KCNIP4: variants seen among roughly 807,000 people sequenced by gnomAD.
The protein encoded by KCNIP4 is potassium voltage-gated channel interacting protein 4, also known as Kv channel-interacting protein 4.
KCNIP4 carries 12 observed loss-of-function variants against 34.0 expected under a neutral mutation model. That is an observed-to-expected ratio of 0.35 (90% CI 0.23 to 0.57). The LOEUF is 0.57. KCNIP4 is among the 20% of genes least tolerant of loss of function. The pLI, the probability that KCNIP4 is intolerant of heterozygous loss-of-function variation, is 0.83. For missense variants in KCNIP4, 238 were observed against 311.7 expected, an observed-to-expected ratio of 0.76 and a Z score of 1.78; for synonymous variants, 124 against 102.2, an observed-to-expected ratio of 1.21 and a Z score of -1.29.
At chr4:21,366,851 A>T (rs73802589) in intron 1 of KCNIP4, among the ~76,000 whole-genome samples, 2,255 of 152,204 alleles carry the variant, frequency 0.015, 53 homozygotes, top group African/African-American at 0.052. Flanking sequence ...TATGTCAATT[A>T]TGCACTAAAA....
intron 1 of KCNIP4, among the ~76,000 whole-genome samples, chr4:21,179,879 T>C (rs1754717267): frequency 6.6e-6 from 1 of 152,196 alleles, no homozygotes. Flanking sequence ...AAAGTACAGT[T>C]TACATAAGCT....
At chr4:21,169,420 G>A (rs935557647) in intron 1 of KCNIP4, among the ~76,000 whole-genome samples, 1 of 152,002 alleles carries the variant, frequency 6.6e-6, no homozygotes, top group Non-Finnish European at 1.5e-5. Context: ...CCAAAGTGCT[G>A]AGATTACAGG....
intron 1 of KCNIP4, among the ~76,000 whole-genome samples, chr4:21,711,933 G>C (rs982498387): frequency 6.6e-6 from 1 of 152,110 alleles, no homozygotes; most frequent in Admixed American, 6.5e-5. Context: ...GCTGGGAAGG[G>C]TTAAGTAACT....
At chr4:21,739,075 A>T (rs919358655) in intron 1 of KCNIP4, among the ~76,000 whole-genome samples, 4 of 152,148 alleles carry the variant, frequency 2.6e-5, no homozygotes, top group Non-Finnish European at 4.4e-5. Context: ...TGGATTGGCC[A>T]CTACATTTTG....
intron 1 of KCNIP4, among the ~76,000 whole-genome samples, chr4:21,227,876 AGGAGAT>A (rs1758514919): frequency 6.6e-6 from 1 of 152,166 alleles, no homozygotes; most frequent in South Asian, 2.1e-4. Context: ...CCTTTATGTC[AGGAGAT>A]GTACTAGTTT....
intron 1 of KCNIP4, among the ~76,000 whole-genome samples, chr4:21,381,317 A>C (rs1476587352): frequency 6.6e-6 from 1 of 152,178 alleles, no homozygotes; most frequent in Non-Finnish European, 1.5e-5. Context: ...AGGACACAAT[A>C]GAGGGTTTTC....
At chr4:20,976,747 C>T (rs570829744) in intron 1 of KCNIP4, among the ~76,000 whole-genome samples, 6 of 152,280 alleles carry the variant, frequency 3.9e-5, no homozygotes, top group Admixed American at 1.3e-4. Flanking sequence ...ATATGAACAT[C>T]AGAAAACACC....
At chr4:21,484,829 G>C (rs1731773614) in intron 1 of KCNIP4, among the ~76,000 whole-genome samples, 1 of 152,050 alleles carries the variant, frequency 6.6e-6, no homozygotes, top group African/African-American at 2.4e-5. Flanking sequence ...ATTTTGTCTT[G>C]CTTATTTATT....
chr4:21,233,773 T>G (rs1758969534), intron 1 of KCNIP4, among the ~76,000 whole-genome samples: 1 of 146,978 alleles, frequency 6.8e-6, no homozygotes, highest in Non-Finnish European at 1.5e-5. Flanking sequence ...CAAAATATTT[T>G]TATTACATTA....
Position 21,826,020 on chromosome 4 carries a change from A to G in KCNIP4, c.61+122551T>C, listed in dbSNP as rs570319615. Among the ~76,000 whole-genome samples the G allele has an allele frequency of 9.2e-5, 14 of 152,230 alleles. No homozygotes were observed. The South Asian group carries it at 2.9e-3, about 32-fold the overall frequency. On this transcript the variant is annotated intron_variant, in intron 1 of 8. Transcript: ENST00000382152. ...TAAAGGAGGACAGCAAGCTCAAAGA[A>G]CCTAAAGTGCAAATGGAATTGGCCT...
At chr4:21,170,451 T>C (rs1446254182) in intron 1 of KCNIP4, among the ~76,000 whole-genome samples, 1 of 152,176 alleles carries the variant, frequency 6.6e-6, no homozygotes, top group Non-Finnish European at 1.5e-5. Flanking sequence ...TTTGGGATTG[T>C]CAGCAAACAT....
intron 1 of KCNIP4, among the ~76,000 whole-genome samples, chr4:21,452,044 C>G (rs934487201): frequency 3.9e-5 from 6 of 152,030 alleles, no homozygotes; most frequent in African/African-American, 7.3e-5. Flanking sequence ...TTCTTCCCCC[C>G]CAACTCCGCC....
intron 1 of KCNIP4, among the ~76,000 whole-genome samples, chr4:21,794,778 C>T (rs1474116956): frequency 2.0e-5 from 3 of 152,110 alleles, no homozygotes; most frequent in Non-Finnish European, 4.4e-5. Flanking sequence ...ACTTGGGAGG[C>T]TGAAGCAGGG....
At chr4:21,785,227 C>T (rs1719824285) in intron 1 of KCNIP4, among the ~76,000 whole-genome samples, 1 of 150,548 alleles carries the variant, frequency 6.6e-6, no homozygotes, top group African/African-American at 2.5e-5. Flanking sequence ...CCAATTCAAT[C>T]CATGTTAGTA....
intron 1 of KCNIP4, among the ~76,000 whole-genome samples, chr4:21,225,339 T>G (rs930969016): frequency 6.6e-5 from 10 of 152,276 alleles, no homozygotes; most frequent in Admixed American, 3.3e-4. Context: ...TAAATTTTGT[T>G]AAACTCAGGG....
intron 1 of KCNIP4, among the ~76,000 whole-genome samples, chr4:21,263,436 T>A (rs556424952): frequency 2.6e-5 from 4 of 152,242 alleles, no homozygotes; most frequent in African/African-American, 9.6e-5. Flanking sequence ...CTATGTGAAG[T>A]TTACTTAGCT....
chr4:21,136,147 G>A (rs1367850550), intron 1 of KCNIP4, among the ~76,000 whole-genome samples: 2 of 152,176 alleles, frequency 1.3e-5, no homozygotes, highest in Non-Finnish European at 2.9e-5. Flanking sequence ...TCTGAGCCTT[G>A]AAATGTTTCC....
At chr4:21,788,746 T>G (rs1439548153) in intron 1 of KCNIP4, among the ~76,000 whole-genome samples, 1 of 152,060 alleles carries the variant, frequency 6.6e-6, no homozygotes, top group East Asian at 1.9e-4. Context: ...CAACAACCCA[T>G]TAAGTAGATA....
intron 1 of KCNIP4, among the ~76,000 whole-genome samples, chr4:20,893,400 G>A (rs905593909): frequency 6.6e-6 from 1 of 152,032 alleles, no homozygotes; most frequent in Non-Finnish European, 1.5e-5. Flanking sequence ...CTTCGGAAAA[G>A]TAACAACATC....
Sources: allele counts gnomAD v4.1 joint callset (sites outside exome capture counted in the v4.1 genomes callset), GRCh38; gene constraint gnomAD v4.1.1; transcripts MANE v1.5; gene names NCBI Gene and HGNC (gene_info 2026-07-23, HGNC 2026-07-21).